ME1: variants seen among roughly 807,000 people sequenced by gnomAD.
ME1 encodes malic enzyme 1.
A neutral mutation model predicts 66.4 loss-of-function variants in ME1; 74 were observed. The ratio of observed to expected loss-of-function variants is 1.11; its 90% CI spans 0.92 to 1.35. ME1 has a LOEUF of 1.35. Among genes scored for constraint, ME1 ranks in the 40% most tolerant of loss-of-function variants. The probability of loss-of-function intolerance (pLI) is 0.00; values close to 1 mark genes in which losing one functional copy is unlikely to be tolerated. For synonymous variants in ME1, 251 were observed against 235.6 expected (o/e 1.07, Z -0.60); for missense variants, 750 against 694.1 (o/e 1.08, Z -0.90).
intron 6 of ME1, among the ~76,000 whole-genome samples, chr6:83,276,354 A>T (rs1411270207): frequency 6.6e-6 from 1 of 152,202 alleles, no homozygotes; most frequent in Admixed American, 6.5e-5. Context: ...GCAGATAAAG[A>T]TTCTGCTGTG....
chr6:83,372,226 T>C (rs994518187), intron 3 of ME1, among the ~76,000 whole-genome samples: 16 of 152,282 alleles, frequency 1.1e-4, no homozygotes, highest in African/African-American at 3.9e-4. Context: ...GTAACTGCTT[T>C]GACCCATAAA....
chr6:83,357,385 C>T (rs755309943), intron 3 of ME1, among the ~76,000 whole-genome samples: 1 of 152,124 alleles, frequency 6.6e-6, no homozygotes, highest in African/African-American at 2.4e-5. Flanking sequence ...TCAGTATGGG[C>T]TCATAGTTTA....
At chr6:83,263,851 G>A (rs1766942777) in intron 6 of ME1, among the ~76,000 whole-genome samples, 2 of 150,884 alleles carry the variant, frequency 1.3e-5, no homozygotes, top group Admixed American at 1.3e-4. Flanking sequence ...AACCTGCAAG[G>A]TGAAGCAGAA....
chr6:83,358,572 C>A (rs568166005), intron 3 of ME1, among the ~76,000 whole-genome samples: 1 of 152,134 alleles, frequency 6.6e-6, no homozygotes, highest in East Asian at 1.9e-4. Flanking sequence ...GCATGCACAG[C>A]CTTGCCAGGT....
Position 83,270,839 on chromosome 6 carries a change from G to A in ME1, c.705-17101C>T, listed in dbSNP as rs148335945. Among the ~76,000 whole-genome samples, 52 of 152,128 alleles carry A rather than the reference G, an allele frequency of 3.4e-4. 1 individual carries two copies. The highest frequency in any genetic ancestry group is 1.2e-3 in the African/African-American group (51 of 41,490). ...CAATTCTTAAAACAGAGTAAGAAAA[G>A]TTCTAAGTTGTTCAACAGTTTATAA... On this transcript the variant is annotated intron_variant, in intron 6 of 13. Transcript: ENST00000369705.
intron 6 of ME1, among the ~76,000 whole-genome samples, chr6:83,271,127 C>T (rs181437202): frequency 1.3e-5 from 2 of 152,110 alleles, no homozygotes; most frequent in East Asian, 3.9e-4. Context: ...ACGAATGGGC[C>T]CATAATTTGG....
chr6:83,330,058 T>A (rs1768374812), intron 5 of ME1, among the ~76,000 whole-genome samples: 1 of 152,182 alleles, frequency 6.6e-6, no homozygotes, highest in South Asian at 2.1e-4. Context: ...TGGGCTCAAG[T>A]GATCCTCTCA....
intron 3 of ME1, chr6:83,392,855 C>A: frequency 1.3e-6 from 1 of 767,334 alleles, no homozygotes; most frequent in Non-Finnish European, 2.3e-6. Flanking sequence ...TCAAGATTAT[C>A]AGCAATGCCT....
intron 6 of ME1, among the ~76,000 whole-genome samples, chr6:83,303,745 A>T (rs1183092592): frequency 1.3e-5 from 2 of 152,118 alleles, no homozygotes; most frequent in East Asian, 3.9e-4. Flanking sequence ...CTTTAGAAAC[A>T]TTTAATTCTA....
chr6:83,393,182 G>T, intron 3 of ME1: 2 of 1,238,600 alleles, frequency 1.6e-6, no homozygotes, highest in Non-Finnish European at 2.4e-6. Context: ...ACACCAAGAA[G>T]GTGGTGAAGC....
rs537559810 is a variant in ME1 at position 83,294,832 on chromosome 6, C to T, written c.704+20478G>A. Among the ~76,000 whole-genome samples the T allele has an allele frequency of 7.9e-5, 12 of 152,248 alleles. No homozygotes were observed. In the South Asian group the frequency reaches 8.3e-4, roughly 11 times the overall value. On this transcript the variant is annotated intron_variant, in intron 6 of 13. Transcript: ENST00000369705. The stretch of plus-strand genomic sequence containing the variant: ...GGGCAATTGCACTGATAGATTGCAG[C>T]GCCACATCTCTCTGGGTTAGAGCCC...
intron 5 of ME1, among the ~76,000 whole-genome samples, chr6:83,328,004 G>A (rs1265843060): frequency 1.3e-5 from 2 of 152,174 alleles, no homozygotes; most frequent in Non-Finnish European, 2.9e-5. Context: ...CTATGATAAA[G>A]ACACATGCAC....
At chr6:83,405,564 G>A (rs1201488281) in intron 2 of ME1, among the ~76,000 whole-genome samples, 1 of 152,066 alleles carries the variant, frequency 6.6e-6, no homozygotes, top group African/African-American at 2.4e-5. Context: ...AGTGAGAGAG[G>A]GCATCCTTGT....
chr6:83,282,949 C>T (rs1767326225), intron 6 of ME1, among the ~76,000 whole-genome samples: 1 of 151,598 alleles, frequency 6.6e-6, no homozygotes, highest in Non-Finnish European at 1.5e-5. Context: ...ATGAGTTCGG[C>T]CGGGCGCGGT....
rs13196858 is a variant in ME1, at chr6:83,243,652, T to A, written c.815-4016A>T. Among the ~76,000 whole-genome samples the A allele has an allele frequency of 7.5e-4, 79 of 105,638 alleles. 7 individuals are homozygous for A. Among genetic ancestry groups the A allele is most frequent in the African/African-American group, 3.2e-3 (77 of 24,058 alleles). 69.3% of individuals were successfully genotyped at this position (105,638 alleles called of 152,430 possible). A position where few individuals can be genotyped will look rare whatever the true frequency, so the allele number is the denominator to read the frequency against. On this transcript the variant is annotated intron_variant, in intron 7 of 13. Transcript: ENST00000369705. ...TTATAATTACATTATATCGATATAA[T>A]CTATTATAATTACATTATATCGATA...
chr6:83,326,861 T>C (rs2128541466), intron 5 of ME1, among the ~76,000 whole-genome samples: 1 of 152,266 alleles, frequency 6.6e-6, no homozygotes, highest in South Asian at 2.1e-4. Flanking sequence ...GAAAAATCAT[T>C]TGACCCAGCA....
chr6:83,414,142 T>G (rs1770113294), intron 1 of ME1, among the ~76,000 whole-genome samples: 1 of 150,496 alleles, frequency 6.6e-6, no homozygotes. Context: ...CTAAAAAAAT[T>G]TATTTTTATG....
At chr6:83,364,812 C>A (rs1473706112) in intron 3 of ME1, among the ~76,000 whole-genome samples, 3 of 152,130 alleles carry the variant, frequency 2.0e-5, no homozygotes, top group Non-Finnish European at 4.4e-5. Context: ...CTGGTTGTCT[C>A]CCTTCAGTTT....
chr6:83,327,102 C>A (rs1768309121), intron 5 of ME1, among the ~76,000 whole-genome samples: 1 of 152,174 alleles, frequency 6.6e-6, no homozygotes, highest in South Asian at 2.1e-4. Context: ...CCAATCAATA[C>A]CCTTGTGATT....
Sources: gnomAD v4.1 joint callset for allele counts (sites outside exome capture counted in the v4.1 genomes callset) on GRCh38, gnomAD v4.1.1 for gene constraint, MANE v1.5 for transcripts, NCBI Gene and HGNC (gene_info 2026-07-23, HGNC 2026-07-21) for gene names.